Variants in RSPO2 observed in about 807,000 individuals in gnomAD.
RSPO2 encodes the protein R-spondin-2.
Under a neutral mutation model 30.9 loss-of-function variants are expected in RSPO2, and 14 were observed. The observed-to-expected ratio is 0.45, with a 90% CI of 0.30 to 0.71. The LOEUF (loss-of-function observed/expected upper bound fraction) is 0.71. Among genes scored for constraint, RSPO2 ranks in the 30% least tolerant of loss-of-function variants. The pLI is 0.08. For missense variants in RSPO2, 264 were observed against 301.9 expected, an observed-to-expected ratio of 0.87 and a Z score of 0.93; for synonymous variants, 107 against 96.4, an observed-to-expected ratio of 1.11 and a Z score of -0.64.
At chr8:107,982,226 A>G (rs1188906474) in intron 3 of RSPO2, among the ~76,000 whole-genome samples, 1 of 152,158 alleles carries the variant, frequency 6.6e-6, no homozygotes, top group Admixed American at 6.5e-5. Flanking sequence ...TTTCCAAAGT[A>G]CTATTTCTGG....
intron 2 of RSPO2, among the ~76,000 whole-genome samples, chr8:107,991,359 T>C (rs1311244466): frequency 1.3e-5 from 2 of 151,784 alleles, no homozygotes; most frequent in Non-Finnish European, 2.9e-5. Flanking sequence ...ATGCAAAAGA[T>C]TGAAACTGGA....
chr8:108,082,971 G>C, intron 1 of RSPO2, 164 bp from the exon 2 acceptor site: 1 of 287,470 alleles, frequency 3.5e-6, no homozygotes, highest in Middle Eastern at 9.9e-4. Flanking sequence ...GGGCAGCTGC[G>C]GACGAGTTGG....
At chr8:108,004,205 G>T (rs1815374341) in intron 2 of RSPO2, among the ~76,000 whole-genome samples, 1 of 152,140 alleles carries the variant, frequency 6.6e-6, no homozygotes, top group Admixed American at 6.6e-5. Context: ...GTTTCCTCTG[G>T]CAGAGGTTAA....
chr8:108,044,876 T>C (rs767042839), intron 2 of RSPO2, among the ~76,000 whole-genome samples: 5 of 152,138 alleles, frequency 3.3e-5, no homozygotes, highest in Non-Finnish European at 7.4e-5. Context: ...GTTAGCTATA[T>C]GCAGAAGGAT....
At chr8:107,994,318 G>A (rs899749991) in intron 2 of RSPO2, among the ~76,000 whole-genome samples, 2 of 152,152 alleles carry the variant, frequency 1.3e-5, no homozygotes, top group South Asian at 2.1e-4. Flanking sequence ...TCAGTACAAT[G>A]TACTTACTTA....
At chr8:108,014,886 G>A (rs749693355) in intron 2 of RSPO2, among the ~76,000 whole-genome samples, 10 of 150,348 alleles carry the variant, frequency 6.7e-5, no homozygotes, top group Non-Finnish European at 1.2e-4. Context: ...ATTGGAATAA[G>A]TTAGGGATGA....
chr8:108,061,261 C>T (rs1460498255), intron 2 of RSPO2, among the ~76,000 whole-genome samples: 1 of 151,758 alleles, frequency 6.6e-6, no homozygotes, highest in East Asian at 1.9e-4. Context: ...AGAGTCAAGA[C>T]CCATCAGTGT....
intron 5 of RSPO2, among the ~76,000 whole-genome samples, chr8:107,926,519 G>GT (rs1325939574): frequency 6.6e-6 from 1 of 152,082 alleles, no homozygotes; most frequent in African/African-American, 2.4e-5. Flanking sequence ...TTCTTCTAGG[G>GT]TTTTTATGGT....
intron 5 of RSPO2, among the ~76,000 whole-genome samples, chr8:107,930,288 T>A (rs1338340122): frequency 1.3e-5 from 2 of 152,246 alleles, no homozygotes; most frequent in Non-Finnish European, 2.9e-5. Context: ...AAGATTTCAC[T>A]CTTTAACAAT....
At chr8:108,047,491 C>T (rs759134122) in intron 2 of RSPO2, among the ~76,000 whole-genome samples, 66 of 152,168 alleles carry the variant, frequency 4.3e-4, no homozygotes, top group Non-Finnish European at 9.1e-4. Context: ...AAGAGATGCT[C>T]AGGAAAATTC....
At chr8:108,015,924 C>A (rs1810876096) in intron 2 of RSPO2, among the ~76,000 whole-genome samples, 2 of 152,084 alleles carry the variant, frequency 1.3e-5, no homozygotes, top group Non-Finnish European at 2.9e-5. Flanking sequence ...CCTATGATAA[C>A]TTTTGAAGGT....
rs2130259443 is a variant in RSPO2, at chr8:107,907,716, T to C, written c.617-6526A>G. Reference sequence around the variant, plus strand: ...TCATTCAGAATATCAGGATTCAGACTACTTACTACCTGCACAGGTTTACAC... The same window carrying C: ...TCATTCAGAATATCAGGATTCAGACCACTTACTACCTGCACAGGTTTACAC... On this transcript the variant is annotated intron_variant, in intron 5 of 5. Coordinates refer to ENST00000276659, the MANE Select transcript of RSPO2 (RefSeq NM_178565.5). 1.3e-5 allele frequency among the ~76,000 whole-genome samples: 2 copies of C among 152,270 alleles called. 1 individual carries two copies. The highest frequency in any genetic ancestry group is 4.1e-4 in the South Asian group (2 of 4,824).
chr8:107,986,185 T>C (rs557435620), intron 3 of RSPO2, among the ~76,000 whole-genome samples: 1 of 152,172 alleles, frequency 6.6e-6, no homozygotes, highest in Non-Finnish European at 1.5e-5. Context: ...ATCAATGCAA[T>C]ATATGCAAAC....
intron 3 of RSPO2, among the ~76,000 whole-genome samples, chr8:107,984,555 A>T (rs1196926115): frequency 1.3e-5 from 2 of 152,216 alleles, no homozygotes; most frequent in African/African-American, 4.8e-5. Flanking sequence ...CATTTTATGA[A>T]GAAAGGAACC....
intron 2 of RSPO2, among the ~76,000 whole-genome samples, chr8:108,058,092 G>A (rs988957054): frequency 6.6e-6 from 1 of 151,150 alleles, no homozygotes; most frequent in Non-Finnish European, 1.5e-5. Context: ...TGCCCATTCA[G>A]TATGATATTG....
In RSPO2 at chr8:107,946,247, A is replaced by G. The variant is rs181092085; in HGVS notation, c.616+11833T>C. Among the ~76,000 whole-genome samples, 63 of 152,312 alleles carry G rather than the reference A, an allele frequency of 4.1e-4. 1 individual carries two copies. In the East Asian group the frequency reaches 0.012, roughly 28 times the overall value. On this transcript the variant is annotated intron_variant, in intron 5 of 5. Coordinates refer to ENST00000276659, the MANE Select transcript of RSPO2 (RefSeq NM_178565.5). ...AACATAGATGCTGACACTGAAGTTC[A>G]GAGAGATTAAGTAAACTTGTCTGGT...
intron 3 of RSPO2, among the ~76,000 whole-genome samples, chr8:107,972,203 T>C (rs1379174228): frequency 6.6e-6 from 1 of 151,886 alleles, no homozygotes; most frequent in Non-Finnish European, 1.5e-5. Flanking sequence ...TGGAGTGCAG[T>C]AGTGCAATCT....
intron 2 of RSPO2, among the ~76,000 whole-genome samples, chr8:108,018,197 C>A (rs1270700017): frequency 1.3e-5 from 2 of 152,162 alleles, no homozygotes; most frequent in African/African-American, 4.8e-5. Flanking sequence ...GAAAAATTCA[C>A]CTCATTCTAA....
chr8:108,014,851 A>AAG (rs1234475969), intron 2 of RSPO2, among the ~76,000 whole-genome samples: 1 of 151,906 alleles, frequency 6.6e-6, no homozygotes, highest in African/African-American at 2.4e-5. Context: ...TAATAAAAAA[A>AAG]AAAAAAAGAA....
Sources: allele counts gnomAD v4.1 joint callset (sites outside exome capture counted in the v4.1 genomes callset), GRCh38; gene constraint gnomAD v4.1.1; transcripts MANE v1.5; gene names NCBI Gene and HGNC (gene_info 2026-07-23, HGNC 2026-07-21).